The following ITSN2 variants were observed in gnomAD, a reference collection of about 807,000 sequenced individuals.
ITSN2 encodes intersectin 2, also known as intersectin-2.
Under a neutral mutation model 243.7 loss-of-function variants are expected in ITSN2, and 156 were observed. The ratio of observed to expected loss-of-function variants is 0.64; its 90% CI spans 0.56 to 0.73. The LOEUF (loss-of-function observed/expected upper bound fraction) is 0.73, where lower values mean the gene tolerates loss of function less well. Ranked by LOEUF, ITSN2 falls within the 30% of genes least tolerant of loss-of-function variation. The pLI is 0.00. For missense variants in ITSN2, 1,801 were observed against 1,996.1 expected (o/e 0.90, Z 1.86); for synonymous variants, 703 against 699.9 (o/e 1.00, Z -0.07).
At chr2:24,285,632 A>G (rs1202204996) in intron 16 of ITSN2, among the ~76,000 whole-genome samples, 1 of 152,200 alleles carries the variant, frequency 6.6e-6, no homozygotes, top group Non-Finnish European at 1.5e-5. Flanking sequence ...TCAGTGTACA[A>G]TGAATACTGT....
intron 1 of ITSN2, among the ~76,000 whole-genome samples, chr2:24,353,263 G>T (rs1688177577): frequency 6.6e-6 from 1 of 152,042 alleles, no homozygotes; most frequent in Non-Finnish European, 1.5e-5. Flanking sequence ...AGAAACAGAA[G>T]AAATAAAAGT....
At chr2:24,210,129 G>C in intron 34 of ITSN2, 96 bp from the exon 35 acceptor site, 1 of 808,052 alleles carries the variant, frequency 1.2e-6, no homozygotes, top group Non-Finnish European at 2.0e-6. Context: ...TACTGTGGTG[G>C]AGTTTTCTAG....
chr2:24,347,260 T>C (rs955248237), intron 1 of ITSN2, among the ~76,000 whole-genome samples: 1 of 152,238 alleles, frequency 6.6e-6, no homozygotes, highest in Admixed American at 6.5e-5. Context: ...ATAAGCTAAT[T>C]TATCCAAAAA....
chr2:24,352,601 A>T (rs890726555), intron 1 of ITSN2, among the ~76,000 whole-genome samples: 6 of 152,234 alleles, frequency 3.9e-5, no homozygotes, highest in African/African-American at 1.4e-4. Context: ...ACCTCAGTTT[A>T]GATTTTTAAA....
intron 20 of ITSN2, among the ~76,000 whole-genome samples, chr2:24,263,896 T>C (rs1291440585): frequency 6.6e-6 from 1 of 152,236 alleles, no homozygotes; most frequent in African/African-American, 2.4e-5. Flanking sequence ...ATGTTTTCAA[T>C]TCTCTTGTGT....
chr2:24,310,358 A>G lies in ITSN2; in HGVS notation c.579T>C (p.Tyr193=), dbSNP rs757367300. The G allele has an allele frequency of 5.0e-6, 8 of 1,613,738 alleles. No individual in the cohort carries two copies. The highest frequency in any genetic ancestry group is 3.3e-4 in the Middle Eastern group (2 of 6,080). ...SSSTLPHGSS[Y]SLMMGGFGGA... is the part of the protein sequence containing the mutation. ...CTCCAAATCCTCCCATCATCAGACT[A>G]TAAGATGACCCATGAGGCAATGCTA... The change falls in exon 7 of 40, where the codon TAT becomes TAC. Residue 193 remains tyrosine (Y), a synonymous_variant. Coordinates refer to ENST00000355123, the MANE Select transcript of ITSN2 (RefSeq NM_006277.3).
chr2:24,293,836 T>C (rs184692154), intron 14 of ITSN2, 61 bp from the exon 15 acceptor site: 13 of 518,166 alleles, frequency 2.5e-5, no homozygotes, highest in African/African-American at 2.2e-4. Flanking sequence ...AGAGTTTTTT[T>C]TGAAAACTTT....
chr2:24,232,784 T>C (rs1209712937), intron 29 of ITSN2, among the ~76,000 whole-genome samples: 1 of 152,188 alleles, frequency 6.6e-6, no homozygotes, highest in Non-Finnish European at 1.5e-5. Flanking sequence ...GGTAACTTGA[T>C]TCAAGTCTTA....
chr2:24,243,411 C>CTAT (rs1672970013), intron 29 of ITSN2, among the ~76,000 whole-genome samples: 1 of 152,148 alleles, frequency 6.6e-6, no homozygotes, highest in South Asian at 2.1e-4. Flanking sequence ...ACCTGAAACA[C>CTAT]ATAGGAGCTA....
intron 20 of ITSN2, among the ~76,000 whole-genome samples, chr2:24,270,041 A>C (rs1294804801): frequency 2.0e-5 from 3 of 152,206 alleles, no homozygotes; most frequent in Non-Finnish European, 4.4e-5. Context: ...CTAACTGATA[A>C]ATCACACTAA....
At chr2:24,279,981 C>G (rs1415905700) in intron 17 of ITSN2, among the ~76,000 whole-genome samples, 1 of 152,094 alleles carries the variant, frequency 6.6e-6, no homozygotes, top group Non-Finnish European at 1.5e-5. Flanking sequence ...ATCCACCCGC[C>G]TCAGCCTCCC....
rs1048156826 is a variant in ITSN2 at position 24,279,699 on chromosome 2, C to A, written c.1945-3850G>T. On this transcript the variant is annotated intron_variant, in intron 17 of 39. Transcript: ENST00000355123. ...TCCTAGGCCAGGAGTTTTCGTTGCA[C>A]TTCACTGCTAAAGATGTGTGAATTT... is the stretch of plus-strand genomic sequence containing the variant. Among the ~76,000 whole-genome samples, 12 of 146,524 alleles carry A rather than the reference C, an allele frequency of 8.2e-5. 1 individual carries two copies. Among genetic ancestry groups the A allele is most frequent in the South Asian group, 4.4e-4 (2 of 4,528 alleles).
intron 17 of ITSN2, among the ~76,000 whole-genome samples, chr2:24,283,414 C>T (rs1057358310): frequency 3.3e-5 from 5 of 152,038 alleles, no homozygotes; most frequent in African/African-American, 4.8e-5. Context: ...TTAGTAGAGA[C>T]GGGGTTTCAC....
intron 2 of ITSN2, chr2:24,321,897 T>A (rs1161896590): frequency 1.3e-5 from 2 of 152,188 alleles, no homozygotes; most frequent in Non-Finnish European, 2.9e-5. Flanking sequence ...ATTAAAGTAC[T>A]ATTATTATTC....
At chr2:24,209,777 C>A (rs1428462542) in intron 35 of ITSN2, 41 bp downstream of exon 35, 2 of 1,514,452 alleles carry the variant, frequency 1.3e-6, no homozygotes, top group Non-Finnish European at 1.8e-6. Context: ...GGCAACACCT[C>A]ATTAGGCCCC....
At chr2:24,314,085 C>T (rs1294377305) in intron 3 of ITSN2, among the ~76,000 whole-genome samples, 1 of 152,118 alleles carries the variant, frequency 6.6e-6, no homozygotes, top group African/African-American at 2.4e-5. Context: ...TCCCCAAATT[C>T]AGTGTTCCTC....
intron 21 of ITSN2, 127 bp from the exon 22 acceptor site, chr2:24,261,377 A>G: frequency 5.6e-6 from 5 of 897,432 alleles, no homozygotes; most frequent in Non-Finnish European, 8.3e-6. Context: ...AGAAATAATT[A>G]TTAACAAACT....
chr2:24,350,511 T>G (rs1015233974), intron 1 of ITSN2, among the ~76,000 whole-genome samples: 1 of 152,128 alleles, frequency 6.6e-6, no homozygotes, highest in African/African-American at 2.4e-5. Context: ...TCCCAAAACC[T>G]GTACACAAAT....
chr2:24,329,604 T>A (rs1184832673), intron 1 of ITSN2, among the ~76,000 whole-genome samples: 2 of 152,162 alleles, frequency 1.3e-5, no homozygotes, highest in Non-Finnish European at 1.5e-5. Flanking sequence ...AGTTAGGAAG[T>A]GAAGGCCTAG....
Sources: gnomAD v4.1 joint callset for allele counts (sites outside exome capture counted in the v4.1 genomes callset) on GRCh38, gnomAD v4.1.1 for gene constraint, MANE v1.5 for transcripts, NCBI Gene and HGNC (gene_info 2026-07-23, HGNC 2026-07-21) for gene names.